Variants in CPQ observed in about 807,000 individuals in gnomAD.
The protein encoded by CPQ is Ser-Met dipeptidase.
In CPQ, 37 loss-of-function variants were observed where a neutral mutation model predicts 45.7. The observed-to-expected ratio is 0.81, with a 90% CI of 0.62 to 1.07. The LOEUF (loss-of-function observed/expected upper bound fraction) is 1.07. Ranked by LOEUF, CPQ falls within the 50% of genes least tolerant of loss-of-function variation. The pLI is 0.00. For synonymous variants in CPQ, 186 were observed against 205.8 expected (o/e 0.90, Z 0.82); for missense variants, 537 against 572.9 (o/e 0.94, Z 0.64).
chr8:96,793,515 C>T (rs1586403199), intron 2 of CPQ, among the ~76,000 whole-genome samples: 1 of 152,302 alleles, frequency 6.6e-6, no homozygotes, highest in Non-Finnish European at 1.5e-5. Flanking sequence ...CTTCCCACAA[C>T]ATGTGGAAAT....
At chr8:96,736,124 G>A (rs908893084) in intron 1 of CPQ, among the ~76,000 whole-genome samples, 3 of 152,210 alleles carry the variant, frequency 2.0e-5, no homozygotes, top group South Asian at 4.1e-4. Context: ...TGTGCCCCCT[G>A]GCCCTGCCTT....
chr8:96,957,699 T>C (rs1357944020), intron 4 of CPQ, among the ~76,000 whole-genome samples: 1 of 151,846 alleles, frequency 6.6e-6, no homozygotes, highest in Non-Finnish European at 1.5e-5. Context: ...CTCAGGAGGA[T>C]GAGGCATGAG....
chr8:96,868,909 C>A (rs1812028545), intron 3 of CPQ, among the ~76,000 whole-genome samples: 1 of 151,720 alleles, frequency 6.6e-6, no homozygotes, highest in Non-Finnish European at 1.5e-5. Context: ...TTTTAGTTTG[C>A]TGCAATTTTT....
intron 7 of CPQ, among the ~76,000 whole-genome samples, chr8:97,074,255 G>A (rs939541365): frequency 1.3e-5 from 2 of 152,056 alleles, no homozygotes; most frequent in South Asian, 2.1e-4. Context: ...ATATACCCAC[G>A]ACACCCATTA....
At chr8:97,013,274 C>T (rs1050632164) in intron 5 of CPQ, among the ~76,000 whole-genome samples, 7 of 151,992 alleles carry the variant, frequency 4.6e-5, no homozygotes, top group Non-Finnish European at 8.8e-5. Context: ...AGCAAGACTC[C>T]ATCTCAAAAA....
chr8:97,074,537 TA>T (rs767935082), intron 7 of CPQ, among the ~76,000 whole-genome samples: 1 of 152,108 alleles, frequency 6.6e-6, no homozygotes, highest in African/African-American at 2.4e-5. Flanking sequence ...TTTGGGAGGC[TA>T]AGGCAGGCAG....
intron 3 of CPQ, among the ~76,000 whole-genome samples, chr8:96,856,291 C>G (rs1436092711): frequency 6.6e-6 from 1 of 152,116 alleles, no homozygotes; most frequent in Non-Finnish European, 1.5e-5. Flanking sequence ...ATTACGATAG[C>G]TGGGCTAGGG....
intron 1 of CPQ, among the ~76,000 whole-genome samples, chr8:96,667,617 A>G (rs113942609): frequency 0.024 from 3,678 of 151,984 alleles, 160 homozygotes; most frequent in African/African-American, 0.084. Context: ...CCAAAGTGCT[A>G]GGATTACAGG....
At position 96,766,921 on chromosome 8, in the gene CPQ, C is replaced by T. The variant is rs1810475269; in HGVS notation, c.-34-17943C>T. ...GTCCTTTGGTTTATTTTTCTGTGTA[C>T]TCTCCCCTCCTAAGAAGACTGTGCT... On this transcript the variant is annotated intron_variant, in intron 1 of 7. Transcript: ENST00000220763. Among the ~76,000 whole-genome samples, 11 of 152,112 alleles carry T rather than the reference C, an allele frequency of 7.2e-5. No homozygotes were observed. The South Asian group carries it at 2.3e-3, about 32-fold the overall frequency.
chr8:96,900,497 T>C (rs548820594), intron 4 of CPQ, among the ~76,000 whole-genome samples: 3 of 152,300 alleles, frequency 2.0e-5, no homozygotes, highest in East Asian at 1.9e-4. Context: ...GATCGATAGA[T>C]AGTTGTTTGT....
At chr8:96,674,104 C>T (rs1032034327) in intron 1 of CPQ, among the ~76,000 whole-genome samples, 1 of 152,000 alleles carries the variant, frequency 6.6e-6, no homozygotes, top group Non-Finnish European at 1.5e-5. Context: ...AGTATGTCAA[C>T]CATTTTTAGA....
At chr8:96,969,958 C>G (rs117569739) in intron 5 of CPQ, among the ~76,000 whole-genome samples, 1 of 152,298 alleles carries the variant, frequency 6.6e-6, no homozygotes, top group Non-Finnish European at 1.5e-5. Context: ...CCAAGCCTCC[C>G]TGGCCCAGAA....
intron 1 of CPQ, among the ~76,000 whole-genome samples, chr8:96,671,737 G>A (rs1809007239): frequency 6.6e-6 from 1 of 152,080 alleles, no homozygotes; most frequent in East Asian, 1.9e-4. Flanking sequence ...GAACATAGTT[G>A]CCAACTTCTC....
intron 2 of CPQ, among the ~76,000 whole-genome samples, chr8:96,787,523 G>GTTTTTTT (rs1563497163): frequency 8.4e-5 from 2 of 23,828 alleles, no homozygotes; most frequent in Admixed American, 6.7e-4. Flanking sequence ...TTCTTATAAT[G>GTTTTTTT]TCTTTTTTTT....
At chr8:96,720,137 A>G (rs1206753126) in intron 1 of CPQ, among the ~76,000 whole-genome samples, 1 of 152,238 alleles carries the variant, frequency 6.6e-6, no homozygotes, top group African/African-American at 2.4e-5. Flanking sequence ...ATGTACATAT[A>G]TCAAGACGAT....
intron 1 of CPQ, among the ~76,000 whole-genome samples, chr8:96,735,630 T>C (rs1481680259): frequency 2.0e-5 from 3 of 152,220 alleles, no homozygotes; most frequent in South Asian, 2.1e-4. Flanking sequence ...TTCTTGGTTA[T>C]TGGGTGTTTC....
chr8:96,839,334 A>G (rs1811574187), intron 3 of CPQ, among the ~76,000 whole-genome samples: 1 of 152,076 alleles, frequency 6.6e-6, no homozygotes, highest in African/African-American at 2.4e-5. Context: ...TGTTGCCATT[A>G]TTAGTGTTCT....
intron 5 of CPQ, among the ~76,000 whole-genome samples, chr8:96,979,152 G>A (rs1813841748): frequency 6.6e-6 from 1 of 152,040 alleles, no homozygotes; most frequent in South Asian, 2.1e-4. Context: ...GGAGGGGGTG[G>A]GAAACGAGTA....
At chr8:96,875,344 A>G (rs1812131407) in intron 3 of CPQ, among the ~76,000 whole-genome samples, 1 of 151,760 alleles carries the variant, frequency 6.6e-6, no homozygotes, top group Admixed American at 6.6e-5. Flanking sequence ...CCATTTATCT[A>G]TTTTTTATTT....
Sources: allele counts gnomAD v4.1 joint callset (sites outside exome capture counted in the v4.1 genomes callset), GRCh38; gene constraint gnomAD v4.1.1; transcripts MANE v1.5; gene names NCBI Gene and HGNC (gene_info 2026-07-23, HGNC 2026-07-21).